The following RBFOX3 variants were observed in gnomAD, a reference collection of about 807,000 sequenced individuals.
RBFOX3 encodes RNA binding protein fox-1 homolog 3.
A neutral mutation model predicts 48.7 loss-of-function variants in RBFOX3; 17 were observed. The observed-to-expected ratio is 0.35, with a 90% confidence interval of 0.24 to 0.52. The LOEUF is 0.52. Ranked by LOEUF, RBFOX3 falls within the 20% of genes least tolerant of loss-of-function variation. The pLI, the probability that RBFOX3 is intolerant of heterozygous loss-of-function variation, is 0.94. For synonymous variants in RBFOX3, 212 were observed against 209.5 expected, an observed-to-expected ratio of 1.01 and a Z score of -0.10; for missense variants, 382 against 497.5, an observed-to-expected ratio of 0.77 and a Z score of 2.21.
intron 2 of RBFOX3, among the ~76,000 whole-genome samples, chr17:79,468,851 G>A (rs1203173460): frequency 2.0e-5 from 3 of 151,574 alleles, no homozygotes; most frequent in Non-Finnish European, 4.4e-5. Context: ...TGGATAGATA[G>A]ACAGCAGATA....
chr17:79,543,681 A>T (rs550068151), intron 1 of RBFOX3, among the ~76,000 whole-genome samples: 1 of 152,350 alleles, frequency 6.6e-6, no homozygotes, highest in South Asian at 2.1e-4. Context: ...GCGAAGATGA[A>T]GCATGCTGGG....
chr17:79,373,707 C>A (rs376433826), intron 2 of RBFOX3, among the ~76,000 whole-genome samples: 1 of 152,114 alleles, frequency 6.6e-6, no homozygotes, highest in Non-Finnish European at 1.5e-5. Flanking sequence ...AGAGCTCCCC[C>A]TCAACCCCCG....
At chr17:79,097,609 CATG>C in intron 10 of RBFOX3, 80 bp downstream of exon 10, 1 of 1,296,996 alleles carries the variant, frequency 7.7e-7, no homozygotes, top group Non-Finnish European at 1.1e-6. Flanking sequence ...CCCCGCCCCT[CATG>C]CCCCGCCCCC....
intron 1 of RBFOX3, among the ~76,000 whole-genome samples, chr17:79,609,728 C>A (rs2093926745): frequency 6.6e-6 from 1 of 151,632 alleles, no homozygotes; most frequent in African/African-American, 2.4e-5. Flanking sequence ...TGCCCCTCCA[C>A]GCGGGGCGCC....
intron 4 of RBFOX3, among the ~76,000 whole-genome samples, chr17:79,164,531 G>A (rs1345440809): frequency 6.6e-6 from 1 of 152,212 alleles, no homozygotes; most frequent in Non-Finnish European, 1.5e-5. Context: ...TAACACCTTG[G>A]GTGCCTTGGC....
chr17:79,585,374 G>T (rs1186462772), intron 1 of RBFOX3, among the ~76,000 whole-genome samples: 1 of 151,814 alleles, frequency 6.6e-6, no homozygotes, highest in African/African-American at 2.4e-5. Context: ...TGGCCAACAT[G>T]GTGAAACCCC....
At chr17:79,356,564 TCA>T (rs764580472) in intron 2 of RBFOX3, among the ~76,000 whole-genome samples, 1 of 151,644 alleles carries the variant, frequency 6.6e-6, no homozygotes, top group Non-Finnish European at 1.5e-5. Context: ...AGGCAGGGTT[TCA>T]CCATGTTGGC....
At chr17:79,094,635 GTA>G in intron 13 of RBFOX3, 106 bp from the exon 14 acceptor site, 1 of 700,532 alleles carries the variant, frequency 1.4e-6, no homozygotes. Flanking sequence ...TGGGCACCCT[GTA>G]CCGAGGTCCC....
At chr17:79,270,857 C>T (rs2067545117) in intron 3 of RBFOX3, among the ~76,000 whole-genome samples, 1 of 152,270 alleles carries the variant, frequency 6.6e-6, no homozygotes, top group Admixed American at 6.5e-5. Flanking sequence ...TACACGCCAT[C>T]TTCATCCCCA....
intron 3 of RBFOX3, among the ~76,000 whole-genome samples, chr17:79,248,436 G>T (rs116853314): frequency 0.018 from 2,759 of 152,278 alleles, 31 homozygotes; most frequent in Non-Finnish European, 0.028. Context: ...TCCCTGGAAG[G>T]GTGGGGGGTC....
intron 4 of RBFOX3, among the ~76,000 whole-genome samples, chr17:79,228,818 G>A (rs192816997): frequency 7.5e-4 from 114 of 152,248 alleles, no homozygotes; most frequent in Middle Eastern, 3.4e-3. Context: ...ACACGTGTGC[G>A]CATACCAAGC....
intron 4 of RBFOX3, among the ~76,000 whole-genome samples, chr17:79,207,170 T>A (rs563063350): frequency 1.3e-5 from 2 of 152,298 alleles, no homozygotes; most frequent in South Asian, 2.1e-4. Context: ...TTATAATTAG[T>A]AGGGTTGTTT....
At chr17:79,406,568 C>T (rs1303490398) in intron 2 of RBFOX3, among the ~76,000 whole-genome samples, 1 of 152,160 alleles carries the variant, frequency 6.6e-6, no homozygotes, top group Non-Finnish European at 1.5e-5. Flanking sequence ...GAGAGGGAGG[C>T]GTGTCCCATC....
chr17:79,561,967 G>A (rs921916265), intron 1 of RBFOX3, among the ~76,000 whole-genome samples: 7 of 152,146 alleles, frequency 4.6e-5, no homozygotes, highest in Non-Finnish European at 8.8e-5. Context: ...GATGGGCAGC[G>A]GCCCACACAG....
upstream of RBFOX3, among the ~76,000 whole-genome samples, chr17:79,611,730 C>A (rs965855818): frequency 9.2e-5 from 14 of 152,214 alleles, no homozygotes; most frequent in African/African-American, 3.4e-4. Context: ...ATACCCCAAA[C>A]CCCCTCACTA....
At chr17:79,611,100 T>TCTCTCTCCTCCCTC (rs2093959591), upstream of RBFOX3, among the ~76,000 whole-genome samples, 3 of 114,000 alleles carry the variant, frequency 2.6e-5, no homozygotes, top group Non-Finnish European at 5.9e-5. Flanking sequence ...CCTCTCTCTC[T>TCTCTCTCCTCCCTC]CTCTCTCCTC....
chr17:79,335,979 G>T (rs747573761), intron 2 of RBFOX3, among the ~76,000 whole-genome samples: 1 of 152,302 alleles, frequency 6.6e-6, no homozygotes. Context: ...CACACCTGCC[G>T]GTCTGCCTGC....
intron 2 of RBFOX3, among the ~76,000 whole-genome samples, chr17:79,464,944 G>A (rs1430855720): frequency 1.3e-5 from 2 of 152,228 alleles, no homozygotes; most frequent in Admixed American, 6.5e-5. Context: ...GGTGAGGCTC[G>A]GCAAGTTAGC....
chr17:79,420,126 CA>C lies in RBFOX3; in HGVS notation c.-175+62327del, dbSNP rs1568217601. On this transcript the variant is annotated intron_variant, in intron 2 of 14. Coordinates refer to ENST00000693108, the MANE Select transcript of RBFOX3 (RefSeq NM_001350451.2). ...TGGGCAACAGAGCAAGACTCCGTCT[CA>C]TACACACACACACACACACACACAC... 1.5e-3 allele frequency among the ~76,000 whole-genome samples: 179 copies of C among 118,778 alleles called. 3 individuals carry two copies. Among genetic ancestry groups the C allele is most frequent in the Middle Eastern group, 8.4e-3 (2 of 238 alleles). The allele number at this position is 118,778 out of a possible 152,430, so 77.9% of individuals were successfully genotyped here.
Sources: allele counts gnomAD v4.1 joint callset (sites outside exome capture counted in the v4.1 genomes callset), GRCh38; gene constraint gnomAD v4.1.1; transcripts MANE v1.5; gene names NCBI Gene and HGNC (gene_info 2026-07-23, HGNC 2026-07-21).